The following SLAMF9 variants were observed in gnomAD, a reference collection of about 807,000 sequenced individuals.
SLAMF9 encodes SLAM family member 9, also known as CD2 family member 10.
In SLAMF9, 25 loss-of-function variants were observed where a neutral mutation model predicts 30.4. The ratio of observed to expected loss-of-function variants is 0.82; its 90% CI spans 0.60 to 1.15. The LOEUF is 1.15. SLAMF9 is among the 50% of genes most tolerant of loss of function. The pLI, the probability that SLAMF9 is intolerant of heterozygous loss-of-function variation, is 0.00. For synonymous variants in SLAMF9, 129 were observed against 127.2 expected, an observed-to-expected ratio of 1.01 and a Z score of -0.09; for missense variants, 344 against 346.1, an observed-to-expected ratio of 0.99 and a Z score of 0.05.
At chr1:159,953,953 A>G in intron 1 of SLAMF9, 139 bp downstream of exon 1, 1 of 1,042,482 alleles carries the variant, frequency 9.6e-7, no homozygotes, top group East Asian at 2.5e-5. Context: ...CCCTGAAGCC[A>G]CACACCCTAC....
chr1:159,979,123 G>A, the SLAMF9 span: 1 of 152,172 alleles, frequency 6.6e-6, no homozygotes, highest in Non-Finnish European at 1.5e-5. Context: ...TGAATGTGTG[G>A]ATCACTTAGC....
the SLAMF9 span, among the ~76,000 whole-genome samples, chr1:159,962,406 G>A: frequency 1.3e-5 from 2 of 152,150 alleles, no homozygotes; most frequent in Admixed American, 6.5e-5. Context: ...ACTTTGGGAG[G>A]CCGAGGTGGG....
At chr1:159,976,623 A>G in the SLAMF9 span, 1 of 152,070 alleles carries the variant, frequency 6.6e-6, no homozygotes, top group South Asian at 2.1e-4. Flanking sequence ...AAATATTCCA[A>G]TCTTCTTTAT....
chr1:159,956,646 C>G (rs3001288), upstream of SLAMF9, among the ~76,000 whole-genome samples: 132,791 of 152,044 alleles, frequency 0.87, 58,473 homozygotes, highest in East Asian at 1. Flanking sequence ...AGCTGAGTAG[C>G]GGGTGGTAAG....
chr1:159,957,621 T>TAAA (rs879766357), upstream of SLAMF9, among the ~76,000 whole-genome samples: 15 of 150,416 alleles, frequency 1.0e-4, no homozygotes, highest in Admixed American at 4.0e-4. Context: ...AGACTCCATC[T>TAAA]AAAAAAAAAA....
At chr1:159,978,093 T>C in the SLAMF9 span, among the ~76,000 whole-genome samples, 1 of 152,150 alleles carries the variant, frequency 6.6e-6, no homozygotes, top group South Asian at 2.1e-4. Context: ...ATAGTTCCTA[T>C]TAAGTTCCAT....
Position 159,952,390 on chromosome 1 carries a change from A to C in SLAMF9, c.536T>G (p.Phe179Cys), listed in dbSNP as rs757723176. The C allele has an allele frequency of 6.2e-7, 1 of 1,614,006 alleles. No individual in the cohort carries two copies. The highest frequency in any genetic ancestry group is 8.5e-7 in the Non-Finnish European group (1 of 1,179,982). The change falls in exon 3 of 4, where the codon TTC becomes TGC. Residue 179 changes from phenylalanine to cysteine, a missense_variant. Coordinates refer to ENST00000368093, the MANE Select transcript of SLAMF9 (RefSeq NM_033438.4). ...TGTGCTGAGGACAGGGCCTTCATGG[A>C]ATGTATAAGTGCTATCCCCCCGGGA... is the stretch of plus-strand genomic sequence containing the variant. ...WLSRGDSTYT[F>C]HEGPVLSTSW...
chr1:159,976,397 T>C, the SLAMF9 span, among the ~76,000 whole-genome samples: 11 of 152,268 alleles, frequency 7.2e-5, no homozygotes, highest in East Asian at 5.8e-4. Flanking sequence ...CCTCCATTTG[T>C]ATATAAAAAG....
At chr1:159,964,774 A>G in the SLAMF9 span, among the ~76,000 whole-genome samples, 7 of 152,188 alleles carry the variant, frequency 4.6e-5, no homozygotes, top group Admixed American at 1.3e-4. Context: ...TACCTGGCAT[A>G]TAGAAAGCCC....
chr1:159,953,454 G>A lies in SLAMF9; in HGVS notation c.246C>T (p.Tyr82=). Residue 82 remains tyrosine (Y), a synonymous_variant, in exon 2 of 4, where the codon TAC becomes TAT. Coordinates refer to ENST00000368093, the MANE Select transcript of SLAMF9 (RefSeq NM_033438.4). ...PATIMVTNPH[Y]QGQVSFLDPS... ...GGTCCAGGAAGCTCACTTGGCCCTG[G>A]TAGTGTGGATTGGTCACCATGATGG... is the stretch of plus-strand genomic sequence containing the variant. 6.2e-7 allele frequency: 1 copy of A among 1,614,208 alleles called. No homozygotes were observed. The highest frequency in any genetic ancestry group is 2.2e-5 in the East Asian group (1 of 44,884).
At chr1:159,973,116 T>G in the SLAMF9 span, 1 of 1,526,136 alleles carries the variant, frequency 6.6e-7, no homozygotes. Context: ...GAGTTCTGGG[T>G]GGGGGCCCCT....
At chr1:159,966,576 T>C in the SLAMF9 span, among the ~76,000 whole-genome samples, 1 of 152,186 alleles carries the variant, frequency 6.6e-6, no homozygotes, top group Non-Finnish European at 1.5e-5. Context: ...TTTACACTCC[T>C]ACTAACAGTG....
chr1:159,981,482 G>A, the SLAMF9 span, among the ~76,000 whole-genome samples: 6 of 152,222 alleles, frequency 3.9e-5, no homozygotes, highest in African/African-American at 1.4e-4. Context: ...CCCCAACCAA[G>A]AAAGGAGCAA....
chr1:159,956,492 G>A (rs1651925116), upstream of SLAMF9, among the ~76,000 whole-genome samples: 1 of 151,866 alleles, frequency 6.6e-6, no homozygotes, highest in South Asian at 2.1e-4. Flanking sequence ...GGGTAAGAGA[G>A]AGGGAACCAG....
the SLAMF9 span, among the ~76,000 whole-genome samples, chr1:159,960,460 T>C: frequency 7.7e-6 from 1 of 130,280 alleles, no homozygotes; most frequent in African/African-American, 3.6e-5. Context: ...TCTCTGATGA[T>C]CTTTTTTTTT....
chr1:159,964,255 C>T, the SLAMF9 span, among the ~76,000 whole-genome samples: 1 of 152,098 alleles, frequency 6.6e-6, no homozygotes, highest in Non-Finnish European at 1.5e-5. Flanking sequence ...GGAAGTTCCC[C>T]AGCCAGTGAT....
Position 159,953,471 on chromosome 1 carries a change from C to T in SLAMF9, c.229G>A (p.Val77Met), listed in dbSNP as rs1486527148. 4 of 1,614,158 alleles carry T rather than the reference C, an allele frequency of 2.5e-6. No homozygotes were observed. Among genetic ancestry groups the T allele is most frequent in the Non-Finnish European group, 3.4e-6 (4 of 1,180,008 alleles). Residue 77 changes from valine to methionine, a missense_variant, in exon 2 of 4, where the codon GTG (valine) becomes ATG (methionine). Val to Met is a conservative substitution (Grantham distance 21). Coordinates refer to ENST00000368093, the MANE Select transcript of SLAMF9 (RefSeq NM_033438.4). Reference sequence around the variant, plus strand: ...TGGCCCTGGTAGTGTGGATTGGTCACCATGATGGTAGCTGGATGTCCCTCT... The same window carrying T: ...TGGCCCTGGTAGTGTGGATTGGTCATCATGATGGTAGCTGGATGTCCCTCT... ...GKEGHPATIM[V>M]TNPHYQGQVS...
the SLAMF9 span, chr1:159,972,740 A>T: frequency 6.0e-5 from 21 of 351,638 alleles, no homozygotes; most frequent in South Asian, 1.3e-3. Context: ...ACAGGATTGG[A>T]GGGGAGCCCC....
rs1405289674 is a variant in SLAMF9 at position 159,951,608 on chromosome 1, T to G, written c.*53A>C. The G allele has an allele frequency of 1.9e-6, 3 of 1,556,182 alleles. No homozygotes were observed. The highest frequency in any genetic ancestry group is 2.7e-6 in the Non-Finnish European group (3 of 1,131,766). On this transcript the variant is annotated 3_prime_UTR_variant, in exon 4 of 4. Transcript: ENST00000368093. The stretch of plus-strand genomic sequence containing the variant: ...GGAAAGAAGAGAGCTGAGGAAGGAT[T>G]CTCTGGGTGCTGGGAAGAAACCAAG...
Sources: gnomAD v4.1 joint callset for allele counts (sites outside exome capture counted in the v4.1 genomes callset) on GRCh38, gnomAD v4.1.1 for gene constraint, MANE v1.5 for transcripts, NCBI Gene and HGNC (gene_info 2026-07-23, HGNC 2026-07-21) for gene names.